SGCZ: variants seen among roughly 807,000 people sequenced by gnomAD.
SGCZ encodes zeta-sarcoglycan.
In SGCZ, 40 loss-of-function variants were observed where a neutral mutation model predicts 41.3. That is an observed-to-expected ratio of 0.97 (90% CI 0.75 to 1.26). The LOEUF is 1.26. SGCZ is among the 50% of genes most tolerant of loss of function. The pLI is 0.00. For synonymous variants in SGCZ, 206 were observed against 137.5 expected (o/e 1.50, Z -3.49); for missense variants, 552 against 369.8 (o/e 1.49, Z -4.04).
chr8:15,183,800 A>C (rs1170123711), intron 1 of SGCZ, among the ~76,000 whole-genome samples: 1 of 152,214 alleles, frequency 6.6e-6, no homozygotes, highest in Non-Finnish European at 1.5e-5. Flanking sequence ...CATTATGGTA[A>C]TGCTTAGTTA....
chr8:14,284,304 G>C (rs1800546436), intron 3 of SGCZ, among the ~76,000 whole-genome samples: 1 of 152,176 alleles, frequency 6.6e-6, no homozygotes, highest in Non-Finnish European at 1.5e-5. Flanking sequence ...GAGGTGGGAG[G>C]ATGGCTTGAG....
intron 1 of SGCZ, among the ~76,000 whole-genome samples, chr8:14,919,013 G>T (rs577007823): frequency 6.6e-6 from 1 of 152,144 alleles, no homozygotes; most frequent in Non-Finnish European, 1.5e-5. Context: ...CCTTGGATAA[G>T]ACTTTACCCT....
chr8:14,604,464 T>C (rs1056393613), intron 1 of SGCZ, among the ~76,000 whole-genome samples: 2 of 152,302 alleles, frequency 1.3e-5, no homozygotes, highest in Admixed American at 6.5e-5. Context: ...TATGTATTCA[T>C]TTTAATTATT....
chr8:14,652,636 T>C (rs919537740), intron 1 of SGCZ, among the ~76,000 whole-genome samples: 3 of 152,022 alleles, frequency 2.0e-5, no homozygotes, highest in Non-Finnish European at 4.4e-5. Flanking sequence ...TATTAAAAGT[T>C]CAAAACTATG....
intron 4 of SGCZ, among the ~76,000 whole-genome samples, chr8:14,186,929 G>GA (rs144146559): frequency 0.016 from 2,419 of 152,218 alleles, 68 homozygotes; most frequent in African/African-American, 0.054. Flanking sequence ...ACTATTCCTG[G>GA]AAAAAAGTTG....
chr8:15,227,051 C>T (rs1801798823), intron 1 of SGCZ, among the ~76,000 whole-genome samples: 1 of 152,106 alleles, frequency 6.6e-6, no homozygotes, highest in Admixed American at 6.5e-5. Flanking sequence ...GCAAAGCATC[C>T]AGGTAAAGAT....
At chr8:14,297,895 G>A (rs1490628339) in intron 3 of SGCZ, among the ~76,000 whole-genome samples, 3 of 151,850 alleles carry the variant, frequency 2.0e-5, no homozygotes, top group East Asian at 3.9e-4. Flanking sequence ...CATTTTAGGA[G>A]GGAGAATGAA....
At chr8:14,769,602 G>T (rs779072543) in intron 1 of SGCZ, among the ~76,000 whole-genome samples, 5 of 151,846 alleles carry the variant, frequency 3.3e-5, no homozygotes, top group Admixed American at 6.6e-5. Flanking sequence ...GACCAGCCTG[G>T]CCAGCATGGC....
chr8:14,627,431 G>T (rs941048665), intron 1 of SGCZ, among the ~76,000 whole-genome samples: 4 of 152,012 alleles, frequency 2.6e-5, no homozygotes, highest in African/African-American at 7.2e-5. Context: ...TTGATCCATT[G>T]TGTTTCTTCT....
intron 7 of SGCZ, among the ~76,000 whole-genome samples, chr8:14,093,997 A>G (rs144945874): frequency 6.6e-6 from 1 of 152,072 alleles, no homozygotes; most frequent in African/African-American, 2.4e-5. Context: ...TGTGAAGTGC[A>G]TGAATTACAT....
At chr8:14,546,932 C>T (rs1291766405) in intron 2 of SGCZ, among the ~76,000 whole-genome samples, 1 of 151,994 alleles carries the variant, frequency 6.6e-6, no homozygotes, top group Admixed American at 6.6e-5. Flanking sequence ...TAAGTTTCTG[C>T]CTTTTCATCT....
chr8:14,688,238 C>T (rs1183622745), intron 1 of SGCZ, among the ~76,000 whole-genome samples: 2 of 152,132 alleles, frequency 1.3e-5, no homozygotes, highest in Admixed American at 6.5e-5. Flanking sequence ...GTTGCCATTG[C>T]TTTTGGTGTT....
At chr8:14,742,580 G>T (rs1408456203) in intron 1 of SGCZ, among the ~76,000 whole-genome samples, 1 of 151,958 alleles carries the variant, frequency 6.6e-6, no homozygotes, top group Non-Finnish European at 1.5e-5. Context: ...AGTTTACTTG[G>T]ATCTCCATTT....
intron 1 of SGCZ, among the ~76,000 whole-genome samples, chr8:14,676,478 T>C (rs373662098): frequency 1.2e-4 from 18 of 152,216 alleles, no homozygotes; most frequent in African/African-American, 4.3e-4. Context: ...ATGATTGTGC[T>C]ATGGCACTTC....
chr8:15,140,045 G>C (rs902293751), intron 1 of SGCZ, among the ~76,000 whole-genome samples: 4 of 151,948 alleles, frequency 2.6e-5, no homozygotes, highest in Admixed American at 1.3e-4. Flanking sequence ...TTTTGAGACA[G>C]GGTCTCACAC....
At chr8:15,038,658 C>T (rs1803957247) in intron 1 of SGCZ, among the ~76,000 whole-genome samples, 1 of 151,722 alleles carries the variant, frequency 6.6e-6, no homozygotes, top group Non-Finnish European at 1.5e-5. Context: ...ACAACGAACA[C>T]AGTGATAAGA....
At chr8:15,160,497 G>A (rs73665390) in intron 1 of SGCZ, among the ~76,000 whole-genome samples, 159 of 151,568 alleles carry the variant, frequency 1.0e-3, no homozygotes, top group Middle Eastern at 3.4e-3. Flanking sequence ...TAGTGTAGAT[G>A]GACCCAGCAA....
intron 1 of SGCZ, among the ~76,000 whole-genome samples, chr8:14,686,428 CAAT>C (rs892107599): frequency 5.3e-5 from 8 of 151,928 alleles, no homozygotes; most frequent in African/African-American, 1.9e-4. Context: ...GAGATTGTTT[CAAT>C]AATTCAACTG....
At chr8:14,714,523 C>T (rs117775027) in intron 1 of SGCZ, among the ~76,000 whole-genome samples, 2,027 of 152,164 alleles carry the variant, frequency 0.013, 20 homozygotes, top group Middle Eastern at 0.041. Context: ...CTATCTAGAA[C>T]ACATTTTCTA....
Sources: gnomAD v4.1 joint callset for allele counts (sites outside exome capture counted in the v4.1 genomes callset) on GRCh38, gnomAD v4.1.1 for gene constraint, MANE v1.5 for transcripts, NCBI Gene and HGNC (gene_info 2026-07-23, HGNC 2026-07-21) for gene names.